Variants in RBM27 observed in about 807,000 individuals in gnomAD.
RBM27 encodes the protein RNA-binding protein 27.
A neutral mutation model predicts 135.3 loss-of-function variants in RBM27; 22 were observed. The ratio of observed to expected loss-of-function variants is 0.16; its 90% confidence interval spans 0.12 to 0.23. RBM27 has a LOEUF of 0.23. Ranked by LOEUF, RBM27 falls within the 10% of genes least tolerant of loss-of-function variation. The pLI is 1.00. For synonymous variants in RBM27, 481 were observed against 442.4 expected, an observed-to-expected ratio of 1.09 and a Z score of -1.10; for missense variants, 1,009 against 1,281.0, an observed-to-expected ratio of 0.79 and a Z score of 3.24.
chr5:146,258,442 C>T lies in RBM27; in HGVS notation c.1595-7C>T. Reference sequence around the variant, plus strand: ...AACTCAGTAATTTCAATTTTTTTTTCCAACAGCTGCTAACATTGTGATCCA... The same window carrying T: ...AACTCAGTAATTTCAATTTTTTTTTTCAACAGCTGCTAACATTGTGATCCA... On this transcript the variant is annotated splice_polypyrimidine_tract_variant and splice_region_variant and intron_variant, in intron 10 of 20. Transcript: ENST00000265271. 1 of 1,524,410 alleles carries T rather than the reference C, an allele frequency of 6.6e-7. No homozygotes were observed. The highest frequency in any genetic ancestry group is 1.4e-5 in the African/African-American group (1 of 70,414). 94.4% of individuals were successfully genotyped at this position (1,524,410 alleles called of 1,614,324 possible).
chr5:146,206,844 A>G (rs562801864), intron 1 of RBM27, among the ~76,000 whole-genome samples: 62 of 152,236 alleles, frequency 4.1e-4, no homozygotes, highest in African/African-American at 8.7e-4. Flanking sequence ...CGGCCTCCCA[A>G]AGTGCTGGGA....
At chr5:146,239,438 C>T (rs1757303864) in intron 8 of RBM27, among the ~76,000 whole-genome samples, 1 of 145,996 alleles carries the variant, frequency 6.8e-6, no homozygotes, top group Admixed American at 6.8e-5. Flanking sequence ...AAACCCCTCT[C>T]TAGGACTTCT....
At chr5:146,268,857 A>G (rs1257364526) in intron 15 of RBM27, among the ~76,000 whole-genome samples, 1 of 152,162 alleles carries the variant, frequency 6.6e-6, no homozygotes, top group Admixed American at 6.5e-5. Context: ...TTGAGCCACC[A>G]TGCCTAGCCT....
chr5:146,229,568 G>T, intron 4 of RBM27, 149 bp from the exon 5 acceptor site: 2 of 497,912 alleles, frequency 4.0e-6, no homozygotes, highest in East Asian at 3.6e-5. Context: ...GTATATATTT[G>T]ATTAGAGGAA....
At chr5:146,265,415 G>GA (rs968995866) in intron 14 of RBM27, among the ~76,000 whole-genome samples, 1 of 152,026 alleles carries the variant, frequency 6.6e-6, no homozygotes, top group African/African-American at 2.4e-5. Flanking sequence ...CTTTTAACAG[G>GA]AAAAAAACCA....
intron 1 of RBM27, among the ~76,000 whole-genome samples, chr5:146,212,663 A>T (rs903063897): frequency 2.0e-5 from 3 of 151,910 alleles, no homozygotes; most frequent in East Asian, 3.9e-4. Context: ...CATAACCATA[A>T]TTTTTTAAAA....
chr5:146,211,698 C>T (rs1212053838), intron 1 of RBM27, among the ~76,000 whole-genome samples: 1 of 151,580 alleles, frequency 6.6e-6, no homozygotes, highest in Non-Finnish European at 1.5e-5. Flanking sequence ...TCAGGCTGGT[C>T]TCGAACTCCT....
At chr5:146,275,459 G>A (rs1759058114) in intron 19 of RBM27, among the ~76,000 whole-genome samples, 1 of 151,684 alleles carries the variant, frequency 6.6e-6, no homozygotes, top group Admixed American at 6.6e-5. Context: ...AGTAGAGACG[G>A]GTTTCACCAT....
chr5:146,255,262 C>T (rs1758056448), intron 10 of RBM27, among the ~76,000 whole-genome samples, 170 bp downstream of exon 10: 1 of 152,132 alleles, frequency 6.6e-6, no homozygotes, highest in Non-Finnish European at 1.5e-5. Flanking sequence ...ATAACTTTAT[C>T]TCCAAATTTT....
Position 146,223,425 on chromosome 5 carries a change from A to G in RBM27, c.201A>G (p.Lys67=). The G allele has an allele frequency of 1.3e-6, 2 of 1,599,658 alleles. No homozygotes were observed. The highest frequency in any genetic ancestry group is 1.7e-6 in the Non-Finnish European group (2 of 1,175,482). Residue 67 remains lysine (K), a synonymous_variant, in exon 3 of 21, where the codon AAA becomes AAG. Transcript: ENST00000265271. ...LQKETSGFVD[K]LFESLYTKNY... Reference sequence around the variant, plus strand: ...TAGAAACTTCAGGTTTTGTGGACAAACTATTTGAAAGTCTCTATACTAAGA... The same window carrying G: ...TAGAAACTTCAGGTTTTGTGGACAAGCTATTTGAAAGTCTCTATACTAAGA...
At chr5:146,220,650 A>G (rs1278494833) in intron 2 of RBM27, among the ~76,000 whole-genome samples, 5 of 152,048 alleles carry the variant, frequency 3.3e-5, no homozygotes. Flanking sequence ...TCAATCTAAA[A>G]CATAGGATTA....
At chr5:146,253,025 G>C (rs1757961741) in intron 9 of RBM27, among the ~76,000 whole-genome samples, 1 of 152,004 alleles carries the variant, frequency 6.6e-6, no homozygotes. Flanking sequence ...CTCTCGCTCT[G>C]CTGCCTAGGC....
At chr5:146,237,514 T>G in intron 8 of RBM27, 82 bp downstream of exon 8, 2 of 1,423,630 alleles carry the variant, frequency 1.4e-6, no homozygotes, top group Non-Finnish European at 1.9e-6. Flanking sequence ...CTTTAAAAAA[T>G]GGTAAATAGT....
At chr5:146,230,481 CTTG>C (rs1756879536) in intron 5 of RBM27, among the ~76,000 whole-genome samples, 173 bp from the exon 6 acceptor site, 1 of 152,120 alleles carries the variant, frequency 6.6e-6, no homozygotes, top group African/African-American at 2.4e-5. Context: ...AGATATGTCA[CTTG>C]TTGATGTCCC....
Position 146,237,244 on chromosome 5 carries a change from T to A in RBM27, c.1145-54T>A, listed in dbSNP as rs1757205100. 2.5e-6 allele frequency: 4 copies of A among 1,606,300 alleles called. 1 individual carries two copies. The Admixed American group carries it at 6.7e-5, about 27-fold the overall frequency. On this transcript the variant is annotated intron_variant, in intron 7 of 20. Coordinates refer to ENST00000265271, the MANE Select transcript of RBM27 (RefSeq NM_018989.2). ...TGAGCCACTGCTCCTGGCCTGATACTTTTATTAGGAAATATTAATGCTGTA... is the reference window on the plus strand; with the variant it reads ...TGAGCCACTGCTCCTGGCCTGATACATTTATTAGGAAATATTAATGCTGTA...
At chr5:146,260,708 A>G (rs1376447750) in intron 11 of RBM27, 37 bp from the exon 12 acceptor site, 3 of 1,533,988 alleles carry the variant, frequency 2.0e-6, no homozygotes, top group African/African-American at 2.8e-5. Context: ...GGCATGAAGT[A>G]GGAGAATTAA....
intron 1 of RBM27, among the ~76,000 whole-genome samples, chr5:146,213,712 A>G (rs1756071892): frequency 6.6e-6 from 1 of 152,202 alleles, no homozygotes; most frequent in East Asian, 1.9e-4. Context: ...GAAATTTTCT[A>G]TGAAGCTTAT....
chr5:146,284,473 A>AT (rs970267278), intron 19 of RBM27, 149 bp from the exon 20 acceptor site: 70 of 626,430 alleles, frequency 1.1e-4, no homozygotes, highest in Admixed American at 3.4e-4. Flanking sequence ...AAGGGACTTT[A>AT]TTTTTTTTAG....
intron 8 of RBM27, among the ~76,000 whole-genome samples, chr5:146,241,868 A>G (rs1388746113): frequency 2.0e-5 from 3 of 152,228 alleles, no homozygotes; most frequent in South Asian, 2.1e-4. Context: ...GAAAATATCT[A>G]ATACTTTAAT....
Sources: gnomAD v4.1 joint callset for allele counts (sites outside exome capture counted in the v4.1 genomes callset) on GRCh38, gnomAD v4.1.1 for gene constraint, MANE v1.5 for transcripts, NCBI Gene and HGNC (gene_info 2026-07-23, HGNC 2026-07-21) for gene names.